Variants in ASAH2 observed in about 807,000 individuals in gnomAD.
ASAH2 encodes N-acylsphingosine amidohydrolase 2.
ASAH2 carries 58 observed loss-of-function variants against 82.9 expected under a neutral mutation model. The observed-to-expected ratio is 0.70, with a 90% CI of 0.57 to 0.87. The LOEUF (loss-of-function observed/expected upper bound fraction) is 0.87, where lower values mean the gene tolerates loss of function less well. ASAH2 is among the 40% of genes least tolerant of loss of function. The probability of loss-of-function intolerance (pLI) is 0.00; values close to 1 mark genes in which losing one functional copy is unlikely to be tolerated. For missense variants in ASAH2, 779 were observed against 834.0 expected, an observed-to-expected ratio of 0.93 and a Z score of 0.81; for synonymous variants, 276 against 289.7, an observed-to-expected ratio of 0.95 and a Z score of 0.48.
intron 18 of ASAH2, among the ~76,000 whole-genome samples, chr10:50,195,769 A>T (rs1844960962): frequency 1.3e-5 from 2 of 151,880 alleles, no homozygotes; most frequent in Admixed American, 6.6e-5. Flanking sequence ...GGAGAACATT[A>T]GATTCAGTAA....
chr10:50,226,910 G>T (rs1366526032), intron 7 of ASAH2, among the ~76,000 whole-genome samples: 1 of 152,084 alleles, frequency 6.6e-6, no homozygotes, highest in Non-Finnish European at 1.5e-5. Context: ...AAGAGCAATT[G>T]TTGTGTTGTT....
Position 50,233,208 on chromosome 10 carries a change from T to G in ASAH2, c.869A>C (p.Asn290Thr). The G allele has an allele frequency of 6.2e-7, 1 of 1,611,872 alleles. No individual in the cohort carries two copies. The highest frequency in any genetic ancestry group is 8.5e-7 in the Non-Finnish European group (1 of 1,178,164). Residue 290 changes from asparagine to threonine, a missense_variant, in exon 7 of 21, where the codon AAT becomes ACT. Physicochemically the swap from Asn to Thr is moderately conservative, Grantham distance 65 (BLOSUM62 0). Transcript: ENST00000682911. ...EMIVLKMVDLNGDDLGLISWF... is the reference protein window; with the variant it reads ...EMIVLKMVDLTGDDLGLISWF... ...CCTGATAAGGCCCAAGTCATCTCCATTCAAATCTACCATTTTCAAAACTAT... is the reference window on the plus strand; with the variant it reads ...CCTGATAAGGCCCAAGTCATCTCCAGTCAAATCTACCATTTTCAAAACTAT...
At chr10:50,236,643 C>G (rs1846166469) in intron 4 of ASAH2, among the ~76,000 whole-genome samples, 1 of 152,066 alleles carries the variant, frequency 6.6e-6, no homozygotes. Context: ...TAGATTCTTA[C>G]TATAAGCAAA....
intron 7 of ASAH2, among the ~76,000 whole-genome samples, chr10:50,224,113 C>T (rs967506540): frequency 9.9e-5 from 15 of 152,130 alleles, no homozygotes; most frequent in Admixed American, 3.9e-4. Context: ...AATACCAGCT[C>T]TGGGGTCAGA....
chr10:50,234,620 T>C, intron 5 of ASAH2, 68 bp from the exon 6 acceptor site: 1 of 1,607,074 alleles, frequency 6.2e-7, no homozygotes, highest in Non-Finnish European at 8.5e-7. Flanking sequence ...ACTTAGTCAA[T>C]ATAAACAGAA....
intron 4 of ASAH2, among the ~76,000 whole-genome samples, chr10:50,236,894 G>A (rs1191241829): frequency 1.3e-5 from 2 of 152,064 alleles, no homozygotes; most frequent in African/African-American, 4.8e-5. Context: ...GAATATATGA[G>A]GTTCTTGTCT....
chr10:50,230,136 G>A (rs1196462073), intron 7 of ASAH2, among the ~76,000 whole-genome samples: 1 of 152,118 alleles, frequency 6.6e-6, no homozygotes, highest in Non-Finnish European at 1.5e-5. Context: ...CAAGGCCAGG[G>A]AATACATCAT....
At chr10:50,218,366 T>C in intron 8 of ASAH2, 144 bp downstream of exon 8, 2 of 1,203,890 alleles carry the variant, frequency 1.7e-6, no homozygotes, top group South Asian at 2.6e-5. Context: ...GGGAGGATGG[T>C]AAATGCTGTC....
At chr10:50,225,838 C>T (rs1381279570) in intron 7 of ASAH2, among the ~76,000 whole-genome samples, 1 of 152,138 alleles carries the variant, frequency 6.6e-6, no homozygotes, top group African/African-American at 2.4e-5. Flanking sequence ...CAATTGTAAT[C>T]TCAATACTTT....
At chr10:50,200,465 A>G (rs1845111804) in intron 16 of ASAH2, among the ~76,000 whole-genome samples, 1 of 151,952 alleles carries the variant, frequency 6.6e-6, no homozygotes, top group Admixed American at 6.6e-5. Flanking sequence ...TATAGGATAC[A>G]TTCTTACTCT....
chr10:50,206,521 C>A (rs1845301220), intron 12 of ASAH2, among the ~76,000 whole-genome samples: 1 of 135,112 alleles, frequency 7.4e-6, no homozygotes, highest in Non-Finnish European at 1.6e-5. Flanking sequence ...AATAATTTCT[C>A]CTGAATTTAG....
intron 2 of ASAH2, among the ~76,000 whole-genome samples, chr10:50,247,207 C>A (rs1215446046): frequency 6.6e-6 from 1 of 151,654 alleles, no homozygotes; most frequent in South Asian, 2.1e-4. Context: ...GACTGGAGTG[C>A]AGTGGCGTGA....
At chr10:50,250,429 G>A (rs1453764791) in intron 1 of ASAH2, among the ~76,000 whole-genome samples, 1 of 152,050 alleles carries the variant, frequency 6.6e-6, no homozygotes. Flanking sequence ...CCAGCAGCAG[G>A]GACAACTTCA....
chr10:50,234,374 G>GCTGTT (rs1174625959), intron 6 of ASAH2, 51 bp downstream of exon 6: 1 of 1,611,286 alleles, frequency 6.2e-7, no homozygotes, highest in Admixed American at 1.7e-5. Context: ...AGATTTTGTT[G>GCTGTT]CTGTTCCCTA....
In ASAH2 at chr10:50,216,524, T is replaced by C. The variant is rs1038979375; in HGVS notation, c.1015-1656A>G. Among the ~76,000 whole-genome samples the C allele has an allele frequency of 1.2e-4, 19 of 152,316 alleles. No homozygotes were observed. In the East Asian group the frequency reaches 3.5e-3, roughly 28 times the overall value. ...ATGCTGACCAGTCAATCTAGTCTAT[T>C]GTGTTTTATCTGGAGCTCAGAGATC... On this transcript the variant is annotated intron_variant, in intron 8 of 20. Transcript: ENST00000682911.
chr10:50,229,974 C>T (rs1469946800), intron 7 of ASAH2, among the ~76,000 whole-genome samples: 3 of 152,126 alleles, frequency 2.0e-5, no homozygotes, highest in African/African-American at 7.2e-5. Flanking sequence ...AGGGCAGCAA[C>T]TCCATCTATA....
intron 7 of ASAH2, among the ~76,000 whole-genome samples, chr10:50,223,142 T>C (rs1845789959): frequency 6.6e-6 from 1 of 152,198 alleles, no homozygotes; most frequent in Non-Finnish European, 1.5e-5. Context: ...TTATTGAGAC[T>C]GAAAAATAAT....
At position 50,193,135 on chromosome 10, in the gene ASAH2, G is replaced by A. The variant is rs1457271517; in HGVS notation, c.2005-423C>T. On this transcript the variant is annotated intron_variant, in intron 18 of 20. Coordinates refer to ENST00000682911, the MANE Select transcript of ASAH2 (RefSeq NM_019893.4). Reference sequence around the variant, plus strand: ...TATTTTTATAAGAGATGGAGTGGCAGGATGTGTATTTATCCTCCCCCCTGA... The same window carrying A: ...TATTTTTATAAGAGATGGAGTGGCAAGATGTGTATTTATCCTCCCCCCTGA... Among the ~76,000 whole-genome samples, 14 of 133,130 alleles carry A rather than the reference G, an allele frequency of 1.1e-4. No homozygotes were observed. The East Asian group carries it at 3.2e-3, about 31-fold the overall frequency. 87.3% of individuals were successfully genotyped at this position (133,130 alleles called of 152,430 possible). A position where few individuals can be genotyped will look rare whatever the true frequency, so the allele number is the denominator to read the frequency against.
At chr10:50,203,001 C>T in intron 15 of ASAH2, 77 bp from the exon 16 acceptor site, 1 of 1,002,416 alleles carries the variant, frequency 1.0e-6, no homozygotes, top group Non-Finnish European at 1.6e-6. Flanking sequence ...CCTTAACACA[C>T]AAGCATTGAT....
Sources: allele counts gnomAD v4.1 joint callset (sites outside exome capture counted in the v4.1 genomes callset), GRCh38; gene constraint gnomAD v4.1.1; transcripts MANE v1.5; gene names NCBI Gene and HGNC (gene_info 2026-07-23, HGNC 2026-07-21).